CACNB4: variants seen among roughly 807,000 people sequenced by gnomAD.
The protein encoded by CACNB4 is calcium voltage-gated channel auxiliary subunit beta 4.
Under a neutral mutation model 71.2 loss-of-function variants are expected in CACNB4, and 32 were observed. The ratio of observed to expected loss-of-function variants is 0.45; its 90% CI spans 0.34 to 0.60. The LOEUF (loss-of-function observed/expected upper bound fraction) is 0.60. Ranked by LOEUF, CACNB4 falls within the 20% of genes least tolerant of loss-of-function variation. The probability of loss-of-function intolerance (pLI) is 0.01; values close to 1 mark genes in which losing one functional copy is unlikely to be tolerated. For synonymous variants in CACNB4, 231 were observed against 236.9 expected (o/e 0.97, Z 0.23); for missense variants, 464 against 647.9 (o/e 0.72, Z 3.08).
intron 2 of CACNB4, among the ~76,000 whole-genome samples, chr2:151,987,221 C>G (rs1681421890): frequency 6.6e-6 from 1 of 152,212 alleles, no homozygotes; most frequent in Non-Finnish European, 1.5e-5. Context: ...ACCTTGAGCT[C>G]TTGGTACAAA....
chr2:151,971,896 G>A, intron 2 of CACNB4: 1 of 405,720 alleles, frequency 2.5e-6, no homozygotes, highest in Non-Finnish European at 4.6e-6. Flanking sequence ...CTCCACAGAT[G>A]TGCACAGCCC....
chr2:151,950,186 T>C (rs1359393692), intron 2 of CACNB4, among the ~76,000 whole-genome samples: 3 of 152,048 alleles, frequency 2.0e-5, no homozygotes, highest in Non-Finnish European at 4.4e-5. Context: ...TAGTGGGAGA[T>C]GGACCTGGGG....
intron 2 of CACNB4, among the ~76,000 whole-genome samples, chr2:152,011,505 G>A (rs1035449409): frequency 7.9e-5 from 12 of 152,144 alleles, no homozygotes; most frequent in African/African-American, 2.7e-4. Flanking sequence ...CAAATTCTTT[G>A]AACCCTCATA....
intron 2 of CACNB4, among the ~76,000 whole-genome samples, chr2:152,068,186 A>C (rs1177349183): frequency 2.0e-5 from 3 of 152,200 alleles, no homozygotes; most frequent in African/African-American, 4.8e-5. Context: ...ATCTGGGCAG[A>C]CATCTGAGAA....
intron 2 of CACNB4, among the ~76,000 whole-genome samples, chr2:151,921,229 C>T (rs918974873): frequency 6.6e-6 from 1 of 151,170 alleles, no homozygotes; most frequent in Non-Finnish European, 1.5e-5. Flanking sequence ...AATTTGAGAG[C>T]TTCACAAACA....
chr2:152,014,830 A>T (rs982847094), intron 2 of CACNB4, among the ~76,000 whole-genome samples: 1 of 152,212 alleles, frequency 6.6e-6, no homozygotes, highest in Non-Finnish European at 1.5e-5. Context: ...TGTGCCTCAG[A>T]GAACCAATTA....
At chr2:152,077,357 AG>A (rs1279684463) in intron 2 of CACNB4, among the ~76,000 whole-genome samples, 1 of 152,238 alleles carries the variant, frequency 6.6e-6, no homozygotes, top group African/African-American at 2.4e-5. Flanking sequence ...GTTCGAGACC[AG>A]CCTGACCAAC....
At chr2:151,849,689 G>C (rs1337668752) in intron 12 of CACNB4, among the ~76,000 whole-genome samples, 1 of 152,196 alleles carries the variant, frequency 6.6e-6, no homozygotes, top group Non-Finnish European at 1.5e-5. Context: ...TGCCACGTAA[G>C]AGCCTGTATT....
At chr2:152,036,133 T>A (rs960359775) in intron 2 of CACNB4, among the ~76,000 whole-genome samples, 2 of 150,340 alleles carry the variant, frequency 1.3e-5, no homozygotes, top group Non-Finnish European at 2.9e-5. Context: ...GTAGAAAATA[T>A]AATGTGGTTG....
In CACNB4 at chr2:151,834,909, C is replaced by T. The variant is rs536520677; in HGVS notation, c.*4210G>A. ...ATGAGTTTTATATAATTTAAAAAAACACAACATGCAACATTGTCATAAAAG... is the reference window on the plus strand; with the variant it reads ...ATGAGTTTTATATAATTTAAAAAAATACAACATGCAACATTGTCATAAAAG... On this transcript the variant is annotated 3_prime_UTR_variant, in exon 14 of 14. Transcript: ENST00000539935. The T allele has an allele frequency of 2.0e-5, 3 of 151,838 alleles. No homozygotes were observed. The South Asian group carries it at 6.2e-4, about 31-fold the overall frequency. 9.4% of individuals were successfully genotyped at this position (151,838 alleles called of 1,614,324 possible).
At chr2:152,089,816 C>T (rs1490007184) in intron 2 of CACNB4, among the ~76,000 whole-genome samples, 6 of 151,914 alleles carry the variant, frequency 3.9e-5, no homozygotes, top group Non-Finnish European at 8.8e-5. Context: ...GTAGTGCACA[C>T]CTGTAGTCCC....
At chr2:151,917,654 T>G (rs2099857864) in intron 2 of CACNB4, among the ~76,000 whole-genome samples, 1 of 151,908 alleles carries the variant, frequency 6.6e-6, no homozygotes, top group South Asian at 2.1e-4. Context: ...CTGGCCAACA[T>G]GGTGAAACCC....
At chr2:151,981,849 GCAAGCGTGCTAAAACCT>G (rs2151750164) in intron 2 of CACNB4, among the ~76,000 whole-genome samples, 1 of 152,262 alleles carries the variant, frequency 6.6e-6, no homozygotes, top group East Asian at 1.9e-4. Context: ...GCACCAGGCA[GCAAGCGTGCTAAAACCT>G]CAACAATGGA....
chr2:151,916,162 C>T (rs7605710), intron 2 of CACNB4, among the ~76,000 whole-genome samples: 12,714 of 152,210 alleles, frequency 0.084, 1,408 homozygotes, highest in East Asian at 0.55. Context: ...CCATGGGAGC[C>T]TCCAAAAGCC....
At chr2:151,891,258 C>A (rs890661287) in intron 2 of CACNB4, among the ~76,000 whole-genome samples, 1 of 152,082 alleles carries the variant, frequency 6.6e-6, no homozygotes, top group Admixed American at 6.5e-5. Flanking sequence ...ATGGAGATAA[C>A]AGCAGAAGAA....
chr2:151,973,631 G>T lies in CACNB4; in HGVS notation c.148-90261C>A, dbSNP rs190748280. ...GAGGGGATAGTGGGAGGAGGAAGAG[G>T]AGGGGAGAGGGAATTAGCTATCTAT... On this transcript the variant is annotated intron_variant, in intron 2 of 13. Transcript: ENST00000539935. 7 of 1,585,164 alleles carry T rather than the reference G, an allele frequency of 4.4e-6. No homozygotes were observed. The Admixed American group carries it at 1.2e-4, about 27-fold the overall frequency.
intron 4 of CACNB4, among the ~76,000 whole-genome samples, chr2:151,877,535 G>C (rs998095674): frequency 6.6e-6 from 1 of 152,176 alleles, no homozygotes; most frequent in Non-Finnish European, 1.5e-5. Context: ...TGTCTGAGAT[G>C]AAATACATTT....
intron 13 of CACNB4, among the ~76,000 whole-genome samples, chr2:151,840,099 C>T (rs2099835791): frequency 6.6e-6 from 1 of 152,142 alleles, no homozygotes; most frequent in Non-Finnish European, 1.5e-5. Context: ...AAATGTTATT[C>T]AACATTTTTC....
intron 8 of CACNB4, 161 bp downstream of exon 8, chr2:151,870,370 G>C: frequency 1.4e-6 from 1 of 710,714 alleles, no homozygotes; most frequent in South Asian, 1.5e-5. Flanking sequence ...AGAAAGGGCA[G>C]AGGGCCTCAT....
Sources: allele counts gnomAD v4.1 joint callset (sites outside exome capture counted in the v4.1 genomes callset), GRCh38; gene constraint gnomAD v4.1.1; transcripts MANE v1.5; gene names NCBI Gene and HGNC (gene_info 2026-07-23, HGNC 2026-07-21).